COL19A1: variants seen among roughly 807,000 people sequenced by gnomAD.
The protein encoded by COL19A1 is collagen alpha-1(XIX) chain.
In COL19A1, 159 loss-of-function variants were observed where a neutral mutation model predicts 190.2. The observed-to-expected ratio is 0.84, with a 90% CI of 0.73 to 0.95. COL19A1 has a LOEUF of 0.95. COL19A1 is among the 40% of genes least tolerant of loss of function. COL19A1 has a pLI of 0.00. For synonymous variants in COL19A1, 509 were observed against 458.9 expected (o/e 1.11, Z -1.39); for missense variants, 1,418 against 1,431.9 (o/e 0.99, Z 0.16).
At chr6:70,008,158 T>C (rs550780927) in intron 11 of COL19A1, among the ~76,000 whole-genome samples, 1 of 151,788 alleles carries the variant, frequency 6.6e-6, no homozygotes, top group South Asian at 2.1e-4. Context: ...ACCAAGTATG[T>C]AGAAGGCAGG....
intron 7 of COL19A1, among the ~76,000 whole-genome samples, chr6:69,933,148 T>C (rs983646084): frequency 6.6e-6 from 1 of 152,092 alleles, no homozygotes; most frequent in African/African-American, 2.4e-5. Flanking sequence ...GACAGCAGCA[T>C]CATTTCCAGT....
intron 16 of COL19A1, among the ~76,000 whole-genome samples, chr6:70,108,371 A>C (rs1028056432): frequency 6.6e-6 from 1 of 152,038 alleles, no homozygotes; most frequent in Non-Finnish European, 1.5e-5. Flanking sequence ...TCCATTTGTC[A>C]CATTTGTGTG....
chr6:69,918,395 T>C (rs1169744265), intron 4 of COL19A1, among the ~76,000 whole-genome samples: 1 of 151,974 alleles, frequency 6.6e-6, no homozygotes, highest in African/African-American at 2.4e-5. Flanking sequence ...AAGATCTGTT[T>C]TGGTGATAAA....
At chr6:70,129,108 G>A (rs978805171) in intron 17 of COL19A1, among the ~76,000 whole-genome samples, 10 of 152,188 alleles carry the variant, frequency 6.6e-5, no homozygotes, top group Non-Finnish European at 7.3e-5. Context: ...ATGGAATTAG[G>A]AACAAGCCTG....
intron 15 of COL19A1, among the ~76,000 whole-genome samples, chr6:70,095,970 T>G (rs1783229324): frequency 6.6e-6 from 1 of 152,224 alleles, no homozygotes; most frequent in Non-Finnish European, 1.5e-5. Flanking sequence ...ACCTCTTGTC[T>G]ATTGAGAATA....
chr6:69,891,079 A>G, intron 2 of COL19A1: 1 of 295,176 alleles, frequency 3.4e-6, no homozygotes, highest in Non-Finnish European at 7.0e-6. Flanking sequence ...AGGCAAGAAC[A>G]GACAAACCCA....
Position 70,207,255 on chromosome 6 carries a change from A to G in COL19A1, c.3410A>G (p.Gln1137Arg). ...CTCTATCCTGTGTCTCATGCCCATC[A>G]GCGCACAGGTGGGAATTGAACACAC... ...DCLYPVSHAH[Q>R]RTGGN The change falls in exon 51 of 51, where the codon CAG (glutamine) becomes CGG (arginine). Residue 1137 changes from glutamine to arginine, a missense_variant. Coordinates refer to ENST00000620364, the MANE Select transcript of COL19A1 (RefSeq NM_001858.6). 1 of 1,613,860 alleles carries G rather than the reference A, an allele frequency of 6.2e-7. No individual in the cohort carries two copies. The highest frequency in any genetic ancestry group is 8.5e-7 in the Non-Finnish European group (1 of 1,179,918).
intron 10 of COL19A1, 48 bp downstream of exon 10, chr6:69,960,088 T>TA (rs759373804): frequency 6.5e-7 from 1 of 1,541,272 alleles, no homozygotes; most frequent in South Asian, 1.2e-5. Flanking sequence ...TTTAACGTGT[T>TA]AAAAATAAAT....
intron 14 of COL19A1, among the ~76,000 whole-genome samples, chr6:70,041,791 C>T (rs1399866623): frequency 2.0e-5 from 3 of 152,042 alleles, no homozygotes; most frequent in Non-Finnish European, 4.4e-5. Context: ...GTGGCTCATA[C>T]CTCTAATCCC....
At chr6:70,078,865 G>C (rs1378544766) in intron 15 of COL19A1, among the ~76,000 whole-genome samples, 1 of 152,084 alleles carries the variant, frequency 6.6e-6, no homozygotes, top group Non-Finnish European at 1.5e-5. Context: ...TCAGGAGTTC[G>C]ATACCAGCCT....
intron 11 of COL19A1, among the ~76,000 whole-genome samples, chr6:70,007,695 G>A (rs112256476): frequency 0.019 from 2,915 of 152,002 alleles, 75 homozygotes; most frequent in African/African-American, 0.064. Flanking sequence ...TAAGAATATA[G>A]TAGACTTGAA....
chr6:70,130,232 A>AT lies in COL19A1; in HGVS notation c.1383+21dup, dbSNP rs746656077. On this transcript the variant is annotated intron_variant, in intron 18 of 50. Transcript: ENST00000620364. ...GCCTGAAAGGAGACAAGGTAATCAG[A>AT]TTTTTTTTTTTTAGATGGAGTCTTG... The AT allele has an allele frequency of 0.045, 50,755 of 1,129,726 alleles. 5 individuals carry two copies. The highest frequency in any genetic ancestry group is 0.048 in the East Asian group (1,532 of 31,720). 70.0% of individuals were successfully genotyped at this position (1,129,726 alleles called of 1,614,324 possible). A position where few individuals can be genotyped will look rare whatever the true frequency, so the allele number is the denominator to read the frequency against.
chr6:70,135,279 A>G (rs1785782236), intron 18 of COL19A1, among the ~76,000 whole-genome samples: 1 of 152,130 alleles, frequency 6.6e-6, no homozygotes, highest in Non-Finnish European at 1.5e-5. Flanking sequence ...AAGCTTCATT[A>G]TGTAGGCGTG....
chr6:70,029,539 G>C (rs1778913718), intron 12 of COL19A1, among the ~76,000 whole-genome samples: 1 of 152,124 alleles, frequency 6.6e-6, no homozygotes, highest in Non-Finnish European at 1.5e-5. Context: ...CCTATGGTGA[G>C]TGCTGTGTCC....
In COL19A1 at chr6:70,156,700, A is replaced by T; in HGVS notation, c.2269A>T (p.Ile757Leu). 6.2e-7 allele frequency: 1 copy of T among 1,611,588 alleles called. No homozygotes were observed. Residue 757 changes from isoleucine to leucine, a missense_variant, in exon 34 of 51, where the codon ATA (isoleucine) becomes TTA (leucine). Ile to Leu is a conservative substitution (Grantham distance 5). Coordinates refer to ENST00000620364, the MANE Select transcript of COL19A1 (RefSeq NM_001858.6). The stretch of plus-strand genomic sequence containing the variant: ...CAAAGGAGAGCGGGGCTACCCTGGG[A>T]TACCTGGGGAGAAAGGCGATGAGGT... The part of the protein sequence containing the change: ...GSKGERGYPG[I>L]PGEKGDEGLQ...
chr6:70,120,814 C>A (rs1295881804), intron 16 of COL19A1, among the ~76,000 whole-genome samples: 1 of 152,190 alleles, frequency 6.6e-6, no homozygotes, highest in Admixed American at 6.6e-5. Context: ...TCACAAGCTG[C>A]TCATAAGAAA....
intron 15 of COL19A1, among the ~76,000 whole-genome samples, chr6:70,081,375 C>T (rs1032095234): frequency 6.6e-6 from 1 of 151,986 alleles, no homozygotes; most frequent in South Asian, 2.1e-4. Context: ...TCATTTTCAA[C>T]AACAAGGCAC....
intron 9 of COL19A1, among the ~76,000 whole-genome samples, chr6:69,951,282 A>G (rs1022293680): frequency 1.1e-4 from 17 of 151,948 alleles, no homozygotes; most frequent in African/African-American, 3.6e-4. Context: ...AACAGGAATT[A>G]TATTGCATCT....
At chr6:70,043,983 C>G (rs926641668) in intron 14 of COL19A1, among the ~76,000 whole-genome samples, 2 of 152,150 alleles carry the variant, frequency 1.3e-5, no homozygotes, top group African/African-American at 4.8e-5. Context: ...AAACTCGTTG[C>G]GTGGTGTGGT....
Sources: gnomAD v4.1 joint callset for allele counts (sites outside exome capture counted in the v4.1 genomes callset) on GRCh38, gnomAD v4.1.1 for gene constraint, MANE v1.5 for transcripts, NCBI Gene and HGNC (gene_info 2026-07-23, HGNC 2026-07-21) for gene names.